MAML2: variants seen among roughly 807,000 people sequenced by gnomAD.
The protein encoded by MAML2 is mastermind like transcriptional coactivator 2.
A neutral mutation model predicts 96.1 loss-of-function variants in MAML2; 22 were observed. The ratio of observed to expected loss-of-function variants is 0.23; its 90% CI spans 0.16 to 0.33. The LOEUF is 0.33. MAML2 is among the 10% of genes least tolerant of loss of function. The probability of loss-of-function intolerance (pLI) is 1.00; values close to 1 mark genes in which losing one functional copy is unlikely to be tolerated. For synonymous variants in MAML2, 561 were observed against 521.3 expected (o/e 1.08, Z -1.04); for missense variants, 1,367 against 1,392.4 (o/e 0.98, Z 0.29).
At position 96,010,044 on chromosome 11, in the gene MAML2, T is replaced by C. The variant is rs185793976; in HGVS notation, c.2140-18321A>G. On this transcript the variant is annotated intron_variant, in intron 2 of 4. Transcript: ENST00000524717. ...TTTGGAGCTTCGGGAATGATCTACT[T>C]ACTGCAAACTGTAATATGTCTTAAA... 3.8e-4 allele frequency among the ~76,000 whole-genome samples: 58 copies of C among 152,338 alleles called. No individual in the cohort carries two copies. In the East Asian group the frequency reaches 0.01, roughly 27 times the overall value.
At chr11:96,053,518 G>GGA (rs2135770130) in intron 2 of MAML2, among the ~76,000 whole-genome samples, 1 of 152,308 alleles carries the variant, frequency 6.6e-6, no homozygotes, top group East Asian at 1.9e-4. Context: ...TGCCAAGAGG[G>GGA]GAGAGACTTA....
At chr11:96,058,228 G>C (rs934572896) in intron 2 of MAML2, among the ~76,000 whole-genome samples, 3 of 152,238 alleles carry the variant, frequency 2.0e-5, no homozygotes, top group Admixed American at 6.5e-5. Flanking sequence ...CAGTCAGCCT[G>C]ATTGGAGCCT....
At chr11:96,258,349 A>G (rs1862697696) in intron 1 of MAML2, among the ~76,000 whole-genome samples, 2 of 152,204 alleles carry the variant, frequency 1.3e-5, no homozygotes, top group Admixed American at 1.3e-4. Flanking sequence ...AGCAGCAAGA[A>G]AAAATGTTTG....
intron 2 of MAML2, among the ~76,000 whole-genome samples, chr11:96,054,128 T>C (rs764945588): frequency 6.6e-6 from 1 of 152,172 alleles, no homozygotes; most frequent in Non-Finnish European, 1.5e-5. Flanking sequence ...CAGGTGCAGA[T>C]TGGAATTTTA....
chr11:96,039,677 T>C (rs913639777), intron 2 of MAML2, among the ~76,000 whole-genome samples: 2 of 150,158 alleles, frequency 1.3e-5, no homozygotes, highest in Non-Finnish European at 3.0e-5. Context: ...CCGGGCGCGG[T>C]GGCTCACGCC....
chr11:96,053,957 C>T (rs948343607), intron 2 of MAML2, among the ~76,000 whole-genome samples: 2 of 151,912 alleles, frequency 1.3e-5, no homozygotes, highest in Admixed American at 6.6e-5. Flanking sequence ...ACTTGGGTGC[C>T]GCCATTTTGA....
chr11:96,231,761 A>G (rs1862296884), intron 1 of MAML2, among the ~76,000 whole-genome samples: 1 of 152,238 alleles, frequency 6.6e-6, no homozygotes, highest in South Asian at 2.1e-4. Context: ...AGCACTGTCC[A>G]CTATCCAAGC....
chr11:96,142,738 A>G (rs1860756033), intron 1 of MAML2, among the ~76,000 whole-genome samples: 1 of 152,190 alleles, frequency 6.6e-6, no homozygotes, highest in South Asian at 2.1e-4. Context: ...TGCAGCATTG[A>G]TGAGGTTATT....
At chr11:96,104,230 T>G (rs774355225) in intron 1 of MAML2, among the ~76,000 whole-genome samples, 30 of 152,212 alleles carry the variant, frequency 2.0e-4, no homozygotes, top group South Asian at 4.1e-4. Context: ...ATTTGTCTTG[T>G]TGACCACTGT....
chr11:96,204,066 GC>G (rs1401956981), intron 1 of MAML2, among the ~76,000 whole-genome samples: 1 of 152,118 alleles, frequency 6.6e-6, no homozygotes, highest in African/African-American at 2.4e-5. Context: ...GCATCCCTAG[GC>G]CTGAAGGACT....
intron 1 of MAML2, among the ~76,000 whole-genome samples, chr11:96,321,306 T>G (rs1863696464): frequency 6.6e-6 from 1 of 152,216 alleles, no homozygotes; most frequent in Non-Finnish European, 1.5e-5. Flanking sequence ...TTTTAGAATC[T>G]TAAATCACGA....
intron 2 of MAML2, among the ~76,000 whole-genome samples, chr11:96,038,521 C>A (rs956729913): frequency 3.9e-5 from 6 of 152,226 alleles, no homozygotes; most frequent in Non-Finnish European, 7.3e-5. Flanking sequence ...CTTTCTCATC[C>A]AAAGCAATGT....
intron 1 of MAML2, among the ~76,000 whole-genome samples, chr11:96,326,567 C>T (rs1229516616): frequency 6.6e-6 from 1 of 151,838 alleles, no homozygotes; most frequent in African/African-American, 2.4e-5. Flanking sequence ...GGGGCCGAGG[C>T]GGGTGGATCA....
chr11:96,199,368 C>T (rs1266168526), intron 1 of MAML2, among the ~76,000 whole-genome samples: 1 of 152,118 alleles, frequency 6.6e-6, no homozygotes, highest in Non-Finnish European at 1.5e-5. Flanking sequence ...ATCCCTGATA[C>T]TGTTAAGTGT....
chr11:96,061,385 T>G (rs1461358077), intron 2 of MAML2, among the ~76,000 whole-genome samples: 4 of 152,222 alleles, frequency 2.6e-5, no homozygotes, highest in Admixed American at 2.6e-4. Context: ...GACTGAATGC[T>G]GTTTGAAATG....
intron 2 of MAML2, among the ~76,000 whole-genome samples, chr11:96,034,456 AGT>A (rs1554998954): frequency 5.5e-4 from 79 of 144,820 alleles, no homozygotes; most frequent in African/African-American, 6.8e-4. Context: ...AGAGAGAGAG[AGT>A]GTGTGTGTGT....
chr11:96,144,627 G>A (rs1428560360), intron 1 of MAML2, among the ~76,000 whole-genome samples: 4 of 152,176 alleles, frequency 2.6e-5, no homozygotes, highest in African/African-American at 9.6e-5. Context: ...GAATGGCTCT[G>A]TTTTTACTGT....
chr11:95,996,461 C>T (rs971261140), intron 2 of MAML2, among the ~76,000 whole-genome samples: 14 of 152,074 alleles, frequency 9.2e-5, no homozygotes, highest in Admixed American at 7.9e-4. Flanking sequence ...GGACCCTTTT[C>T]CCTAGGGTCT....
At chr11:96,310,028 T>TAC (rs1863515650) in intron 1 of MAML2, among the ~76,000 whole-genome samples, 1 of 152,112 alleles carries the variant, frequency 6.6e-6, no homozygotes, top group African/African-American at 2.4e-5. Flanking sequence ...ACTCTGAAGT[T>TAC]TCCAAAATGT....
Sources: gnomAD v4.1 joint callset for allele counts (sites outside exome capture counted in the v4.1 genomes callset) on GRCh38, gnomAD v4.1.1 for gene constraint, MANE v1.5 for transcripts, NCBI Gene and HGNC (gene_info 2026-07-23, HGNC 2026-07-21) for gene names.